The following ANAPC1 variants were observed in gnomAD, a reference collection of about 807,000 sequenced individuals.
ANAPC1 encodes the protein anaphase-promoting complex subunit 1.
A neutral mutation model predicts 208.0 loss-of-function variants in ANAPC1; 36 were observed. The ratio of observed to expected loss-of-function variants is 0.17; its 90% CI spans 0.13 to 0.23. The LOEUF (loss-of-function observed/expected upper bound fraction) is 0.23. Among genes scored for constraint, ANAPC1 ranks in the 10% least tolerant of loss-of-function variants. The probability of loss-of-function intolerance (pLI) is 1.00; values close to 1 mark genes in which losing one functional copy is unlikely to be tolerated. For missense variants in ANAPC1, 942 were observed against 2,011.6 expected, an observed-to-expected ratio of 0.47 and a Z score of 10.17; for synonymous variants, 378 against 695.2, an observed-to-expected ratio of 0.54 and a Z score of 7.18.
chr2:111,831,246 A>C, intron 21 of ANAPC1, 40 bp downstream of exon 21: 1 of 1,551,608 alleles, frequency 6.4e-7, no homozygotes, highest in African/African-American at 1.4e-5. Flanking sequence ...CTAAATTTTA[A>C]AAGAAAAAGG....
intron 28 of ANAPC1, among the ~76,000 whole-genome samples, chr2:111,811,314 G>C (rs1678983326): frequency 7.3e-6 from 1 of 136,470 alleles, no homozygotes; most frequent in African/African-American, 3.0e-5. Flanking sequence ...CTGCCAGCCA[G>C]ATGAGAATTA....
At chr2:111,880,385 T>G in intron 2 of ANAPC1, 1 of 1,013,164 alleles carries the variant, frequency 9.9e-7, no homozygotes, top group African/African-American at 1.7e-5. Flanking sequence ...ACAAAAAAAT[T>G]GAAAAATAAA....
At chr2:111,882,503 G>A (rs570813916) in intron 1 of ANAPC1, among the ~76,000 whole-genome samples, 159 of 151,950 alleles carry the variant, frequency 1.0e-3, no homozygotes, top group South Asian at 8.5e-3. Flanking sequence ...GCTGAGGCGC[G>A]AGGATCACCT....
At chr2:111,792,931 A>C (rs924591760) in intron 37 of ANAPC1, among the ~76,000 whole-genome samples, 2 of 152,092 alleles carry the variant, frequency 1.3e-5, no homozygotes, top group African/African-American at 2.4e-5. Context: ...CCAGCCTGGG[A>C]GACAGAGCGA....
chr2:111,851,941 C>T (rs956712571), intron 13 of ANAPC1, among the ~76,000 whole-genome samples: 1 of 152,082 alleles, frequency 6.6e-6, no homozygotes, highest in African/African-American at 2.4e-5. Context: ...AAAGGAGATG[C>T]TCAGAACTAA....
chr2:111,806,791 C>T (rs1342949382), intron 29 of ANAPC1, among the ~76,000 whole-genome samples: 1 of 152,174 alleles, frequency 6.6e-6, no homozygotes, highest in Non-Finnish European at 1.5e-5. Flanking sequence ...ATAACTCTAA[C>T]ACTACCGTGT....
chr2:111,772,295 G>A, intron 47 of ANAPC1, 46 bp downstream of exon 47: 1 of 1,613,680 alleles, frequency 6.2e-7, no homozygotes, highest in Non-Finnish European at 8.5e-7. Flanking sequence ...AACATAAAGG[G>A]GTAGGTAACA....
intron 3 of ANAPC1, among the ~76,000 whole-genome samples, chr2:111,877,918 G>C (rs1251238412): frequency 2.0e-5 from 3 of 151,986 alleles, no homozygotes; most frequent in Non-Finnish European, 2.9e-5. Flanking sequence ...AGGAAGTTAG[G>C]TCTAAATATT....
At chr2:111,807,703 A>T (rs1364644809) in intron 29 of ANAPC1, among the ~76,000 whole-genome samples, 231 of 143,088 alleles carry the variant, frequency 1.6e-3, no homozygotes, top group East Asian at 3.3e-3. Context: ...AAAAAAAAAA[A>T]TTTTTAATGT....
At chr2:111,823,000 CTTTTTTTTTTTTT>C (rs58815496) in intron 24 of ANAPC1, among the ~76,000 whole-genome samples, 1 of 61,312 alleles carries the variant, frequency 1.6e-5, no homozygotes, top group Non-Finnish European at 2.8e-5. Flanking sequence ...TCTTTTTATT[CTTTTTTTTTTTTT>C]TTTTTTTTTT....
intron 13 of ANAPC1, among the ~76,000 whole-genome samples, chr2:111,852,731 C>T (rs1168868922): frequency 6.6e-6 from 1 of 151,652 alleles, no homozygotes; most frequent in Non-Finnish European, 1.5e-5. Flanking sequence ...GTTTTACGTA[C>T]TTAAATGGTT....
Position 111,863,904 on chromosome 2 carries a change from A to G in ANAPC1, c.832-9T>C. ...AAAACAACATTCTCTTCCTTAAGTC[A>G]AAATAAAGAGAAAGAGGAAAAAAAA... On this transcript the variant is annotated splice_polypyrimidine_tract_variant and intron_variant, in intron 8 of 47. Coordinates refer to ENST00000341068, the MANE Select transcript of ANAPC1 (RefSeq NM_022662.4). The G allele has an allele frequency of 6.3e-7, 1 of 1,576,470 alleles. No homozygotes were observed. Among genetic ancestry groups the G allele is most frequent in the African/African-American group, 1.4e-5 (1 of 71,912 alleles).
chr2:111,845,976 CAA>C (rs34090398), intron 16 of ANAPC1, among the ~76,000 whole-genome samples: 14 of 101,278 alleles, frequency 1.4e-4, no homozygotes, highest in Non-Finnish European at 1.7e-4. Flanking sequence ...GACTCCGTCT[CAA>C]AAAAAAAAAA....
chr2:111,778,355 A>T (rs1416177031), intron 45 of ANAPC1, among the ~76,000 whole-genome samples: 1 of 151,866 alleles, frequency 6.6e-6, no homozygotes, highest in Non-Finnish European at 1.5e-5. Context: ...ACAAAGAGGC[A>T]TTGCCAGGAG....
intron 21 of ANAPC1, among the ~76,000 whole-genome samples, chr2:111,827,192 T>TA (rs1258577108): frequency 1.3e-5 from 2 of 152,116 alleles, no homozygotes; most frequent in Admixed American, 1.3e-4. Context: ...AAGAAGTATC[T>TA]AGTAGTACAG....
At chr2:111,808,845 T>C (rs547027327) in intron 29 of ANAPC1, 102 bp downstream of exon 29, 53 of 1,491,994 alleles carry the variant, frequency 3.6e-5, no homozygotes, top group Middle Eastern at 2.4e-4. Flanking sequence ...AAAGCTACCA[T>C]TGTCTTTCCT....
chr2:111,781,775 A>G (rs1446476257), intron 43 of ANAPC1, among the ~76,000 whole-genome samples: 4 of 152,292 alleles, frequency 2.6e-5, no homozygotes, highest in African/African-American at 9.6e-5. Flanking sequence ...ATCTGAGTCA[A>G]GAATATAGAG....
chr2:111,826,739 C>T (rs1474592218), intron 21 of ANAPC1, among the ~76,000 whole-genome samples: 1 of 151,232 alleles, frequency 6.6e-6, no homozygotes. Context: ...CGGCTCACTG[C>T]AACCTCCGCC....
chr2:111,772,000 T>C (rs1293726355), intron 47 of ANAPC1, among the ~76,000 whole-genome samples: 2 of 148,670 alleles, frequency 1.3e-5, no homozygotes, highest in Non-Finnish European at 3.0e-5. Flanking sequence ...TAAGATTATA[T>C]GTGATTCTAA....
Sources: allele counts gnomAD v4.1 joint callset (sites outside exome capture counted in the v4.1 genomes callset), GRCh38; gene constraint gnomAD v4.1.1; transcripts MANE v1.5; gene names NCBI Gene and HGNC (gene_info 2026-07-23, HGNC 2026-07-21).